SLC44A5: variants seen among roughly 807,000 people sequenced by gnomAD.
SLC44A5 encodes the protein choline transporter-like protein 5.
Under a neutral mutation model 101.8 loss-of-function variants are expected in SLC44A5, and 57 were observed. The observed-to-expected ratio is 0.56, with a 90% CI of 0.45 to 0.70. SLC44A5 has a LOEUF of 0.70. SLC44A5 is among the 30% of genes least tolerant of loss of function. SLC44A5 has a pLI of 0.00. For synonymous variants in SLC44A5, 281 were observed against 290.9 expected (o/e 0.97, Z 0.35); for missense variants, 737 against 853.1 (o/e 0.86, Z 1.70).
intron 3 of SLC44A5, among the ~76,000 whole-genome samples, chr1:75,375,226 T>C (rs986598968): frequency 1.3e-5 from 2 of 152,170 alleles, no homozygotes; most frequent in African/African-American, 4.8e-5. Flanking sequence ...AAAGTCTTAA[T>C]AACAGATTAG....
chr1:75,398,286 G>T (rs750786271), intron 2 of SLC44A5: 59 of 534,896 alleles, frequency 1.1e-4, no homozygotes, highest in Non-Finnish European at 1.4e-4. Flanking sequence ...ACAGTGGTCA[G>T]CCTCTGCCTC....
At chr1:75,699,928 A>T in the SLC44A5 span, among the ~76,000 whole-genome samples, 2 of 152,106 alleles carry the variant, frequency 1.3e-5, no homozygotes, top group African/African-American at 4.8e-5. Flanking sequence ...CATAATGGTA[A>T]AGGGATCAAT....
At chr1:75,308,749 AAGTT>A (rs1301315278) in intron 4 of SLC44A5, among the ~76,000 whole-genome samples, 5 of 152,332 alleles carry the variant, frequency 3.3e-5, no homozygotes, top group African/African-American at 9.6e-5. Flanking sequence ...TTTTTGGAAT[AAGTT>A]AGAATCTATG....
chr1:75,282,039 G>T (rs569583511), intron 5 of SLC44A5, among the ~76,000 whole-genome samples: 2 of 152,162 alleles, frequency 1.3e-5, no homozygotes, highest in Non-Finnish European at 2.9e-5. Context: ...CCAACAGCTT[G>T]CATGATGCAA....
At chr1:75,407,814 G>A (rs1662980031) in intron 2 of SLC44A5, among the ~76,000 whole-genome samples, 1 of 152,174 alleles carries the variant, frequency 6.6e-6, no homozygotes, top group South Asian at 2.1e-4. Flanking sequence ...AAGGCTTCAT[G>A]ACTAAAACAC....
At chr1:75,677,346 T>C in the SLC44A5 span, among the ~76,000 whole-genome samples, 1 of 152,190 alleles carries the variant, frequency 6.6e-6, no homozygotes, top group African/African-American at 2.4e-5. Context: ...GAAAAAGTGT[T>C]GAGTTTTGTT....
the SLC44A5 span, among the ~76,000 whole-genome samples, chr1:75,720,138 C>G: frequency 6.6e-6 from 1 of 152,216 alleles, no homozygotes; most frequent in East Asian, 1.9e-4. Flanking sequence ...CTGAGTCACC[C>G]TTTCCCTGTG....
intron 4 of SLC44A5, among the ~76,000 whole-genome samples, chr1:75,330,966 C>CTTTTTTTTT (rs71071941): frequency 7.3e-6 from 1 of 136,094 alleles, no homozygotes; most frequent in African/African-American, 2.7e-5. Context: ...AACTTTCTCT[C>CTTTTTTTTT]TTTTTTTTTT....
At chr1:75,652,332 T>G in the SLC44A5 span, among the ~76,000 whole-genome samples, 1 of 152,188 alleles carries the variant, frequency 6.6e-6, no homozygotes, top group Non-Finnish European at 1.5e-5. Context: ...CCAAGTGTAC[T>G]TTACATAAAC....
the SLC44A5 span, among the ~76,000 whole-genome samples, chr1:75,637,327 G>C: frequency 2.0e-5 from 3 of 151,892 alleles, no homozygotes; most frequent in South Asian, 6.2e-4. Flanking sequence ...ATATAATTCA[G>C]CCATAAAAAG....
chr1:75,303,138 G>GGTA (rs1322069935), intron 4 of SLC44A5, among the ~76,000 whole-genome samples: 1 of 152,114 alleles, frequency 6.6e-6, no homozygotes, highest in African/African-American at 2.4e-5. Context: ...TGCAAGTAGA[G>GGTA]GTAAACATCT....
chr1:75,455,286 T>C (rs1169690271), intron 2 of SLC44A5, among the ~76,000 whole-genome samples: 1 of 152,162 alleles, frequency 6.6e-6, no homozygotes, highest in African/African-American at 2.4e-5. Context: ...ATTCAATATA[T>C]GGTGCTGGGA....
At chr1:75,458,567 A>C (rs1666319781) in intron 2 of SLC44A5, among the ~76,000 whole-genome samples, 1 of 152,224 alleles carries the variant, frequency 6.6e-6, no homozygotes, top group Non-Finnish European at 1.5e-5. Context: ...GTTACATTAC[A>C]GAAGGATAGA....
In SLC44A5 at chr1:75,227,935, T is replaced by A. The variant is rs969557688; in HGVS notation, c.854-78A>T. On this transcript the variant is annotated intron_variant, in intron 12 of 23. Coordinates refer to ENST00000370859, the MANE Select transcript of SLC44A5 (RefSeq NM_001130058.2). ...GAGCTATATGTGCTCATCATACATA[T>A]CTATATGAAACTGATCAGCATGGTA... 13 of 1,195,928 alleles carry A rather than the reference T, an allele frequency of 1.1e-5. 1 individual carries two copies. The highest frequency in any genetic ancestry group is 5.7e-5 in the Admixed American group (2 of 35,090). 74.1% of individuals were successfully genotyped at this position (1,195,928 alleles called of 1,614,324 possible).
intron 4 of SLC44A5, among the ~76,000 whole-genome samples, chr1:75,302,513 T>G (rs925815979): frequency 1.3e-5 from 2 of 152,158 alleles, no homozygotes; most frequent in African/African-American, 4.8e-5. Context: ...TAGTCTCCCC[T>G]TATTCGCAAG....
At chr1:75,589,099 TTCTCTCTC>T (rs140546743) in intron 1 of SLC44A5, among the ~76,000 whole-genome samples, 1 of 150,548 alleles carries the variant, frequency 6.6e-6, no homozygotes, top group Non-Finnish European at 1.5e-5. Flanking sequence ...CCCTCTCTCT[TTCTCTCTC>T]TCTCTCTCTC....
chr1:75,718,528 G>A, the SLC44A5 span, among the ~76,000 whole-genome samples: 1 of 152,180 alleles, frequency 6.6e-6, no homozygotes, highest in African/African-American at 2.4e-5. Flanking sequence ...TACACATGCT[G>A]TCTGGAGTGA....
chr1:75,428,308 G>C (rs1430818725), intron 2 of SLC44A5, among the ~76,000 whole-genome samples: 3 of 152,160 alleles, frequency 2.0e-5, no homozygotes, highest in Non-Finnish European at 4.4e-5. Flanking sequence ...GAAATACCTA[G>C]AGTGGGATAA....
chr1:75,431,783 G>A (rs1352796688), intron 2 of SLC44A5, among the ~76,000 whole-genome samples: 1 of 152,166 alleles, frequency 6.6e-6, no homozygotes, highest in Non-Finnish European at 1.5e-5. Context: ...ATCATCCGAG[G>A]AGAAGGGGAG....
Sources: allele counts gnomAD v4.1 joint callset (sites outside exome capture counted in the v4.1 genomes callset), GRCh38; gene constraint gnomAD v4.1.1; transcripts MANE v1.5; gene names NCBI Gene and HGNC (gene_info 2026-07-23, HGNC 2026-07-21).